VPS13C: variants seen among roughly 807,000 people sequenced by gnomAD.
VPS13C encodes vacuolar protein sorting 13 homolog C.
In VPS13C, 358 loss-of-function variants were observed where a neutral mutation model predicts 456.8. The observed-to-expected ratio is 0.78, with a 90% CI of 0.72 to 0.86. The LOEUF (loss-of-function observed/expected upper bound fraction) is 0.86, where lower values mean the gene tolerates loss of function less well. Among genes scored for constraint, VPS13C ranks in the 40% least tolerant of loss-of-function variants. The probability of loss-of-function intolerance (pLI) is 0.00; values close to 1 mark genes in which losing one functional copy is unlikely to be tolerated. For missense variants in VPS13C, 4,818 were observed against 4,385.4 expected, an observed-to-expected ratio of 1.10 and a Z score of -2.79; for synonymous variants, 1,578 against 1,486.7, an observed-to-expected ratio of 1.06 and a Z score of -1.41.
At chr15:61,967,832 T>C (rs910849842) in intron 28 of VPS13C, among the ~76,000 whole-genome samples, 2 of 152,042 alleles carry the variant, frequency 1.3e-5, no homozygotes, top group Admixed American at 1.3e-4. Flanking sequence ...TTAAACTCCT[T>C]TTTAACTTAA....
At chr15:62,056,759 A>G (rs1308827520) in intron 1 of VPS13C, among the ~76,000 whole-genome samples, 3 of 152,160 alleles carry the variant, frequency 2.0e-5, no homozygotes, top group Admixed American at 1.3e-4. Context: ...TCTGCCTTCT[A>G]GATAGCAGTA....
At chr15:61,924,575 G>C (rs1338536790) in intron 53 of VPS13C, among the ~76,000 whole-genome samples, 1 of 152,120 alleles carries the variant, frequency 6.6e-6, no homozygotes, top group Non-Finnish European at 1.5e-5. Context: ...ACCTAACCTA[G>C]TGCTTTAAAA....
intron 43 of VPS13C, 70 bp downstream of exon 43, chr15:61,947,123 C>T (rs1316328514): frequency 4.0e-6 from 4 of 997,192 alleles, no homozygotes; most frequent in Non-Finnish European, 5.9e-6. Context: ...AGAAATCTAA[C>T]AGGTACAAGC....
intron 3 of VPS13C, among the ~76,000 whole-genome samples, 186 bp from the exon 4 acceptor site, chr15:62,035,238 G>C (rs942521276): frequency 6.6e-6 from 1 of 151,758 alleles, no homozygotes; most frequent in Non-Finnish European, 1.5e-5. Context: ...ACTATTAAGT[G>C]AATAGTCACA....
intron 16 of VPS13C, among the ~76,000 whole-genome samples, chr15:61,995,957 G>C (rs1248459937): frequency 6.6e-6 from 1 of 152,190 alleles, no homozygotes; most frequent in East Asian, 1.9e-4. Flanking sequence ...GAGCACAGCA[G>C]AGGAACATGG....
intron 5 of VPS13C, among the ~76,000 whole-genome samples, chr15:62,032,710 A>C (rs1458465320): frequency 1.3e-5 from 2 of 151,812 alleles, no homozygotes; most frequent in African/African-American, 2.4e-5. Context: ...TCATCATAAA[A>C]ATATATACAC....
chr15:62,014,756 A>C (rs1297346283), intron 9 of VPS13C, among the ~76,000 whole-genome samples: 1 of 152,134 alleles, frequency 6.6e-6, no homozygotes, highest in Middle Eastern at 3.2e-3. Context: ...TCAGTGAATG[A>C]ATGTGGTTTT....
In VPS13C at chr15:61,984,024, TGAA is replaced by T. The variant is rs745688696; in HGVS notation, c.1722-15_1722-13del. 15 of 1,603,536 alleles carry T rather than the reference TGAA, an allele frequency of 9.4e-6. No homozygotes were observed. The African/African-American group carries it at 1.9e-4, about 20-fold the overall frequency. On this transcript the variant is annotated splice_polypyrimidine_tract_variant and intron_variant, in intron 19 of 84. Coordinates refer to ENST00000644861, the MANE Select transcript of VPS13C (RefSeq NM_020821.3). ...ATTTCGCTTCTACCCTATAATCCAA[TGAA>T]GAACAAGGAAAGATGCAGACAAGGT...
chr15:61,862,390 A>T (rs1295288298), intron 82 of VPS13C, among the ~76,000 whole-genome samples: 1 of 152,170 alleles, frequency 6.6e-6, no homozygotes, highest in Non-Finnish European at 1.5e-5. Flanking sequence ...CTCCCACAGA[A>T]TGGCTTAAAT....
intron 16 of VPS13C, among the ~76,000 whole-genome samples, chr15:61,999,144 C>T (rs552637447): frequency 6.6e-6 from 1 of 152,188 alleles, no homozygotes; most frequent in African/African-American, 2.4e-5. Flanking sequence ...TTTGGGAGGC[C>T]AAGGCGGGTG....
chr15:61,912,076 A>G (rs2043318150), intron 62 of VPS13C, 72 bp from the exon 63 acceptor site: 2 of 1,241,136 alleles, frequency 1.6e-6, no homozygotes, highest in African/African-American at 3.1e-5. Flanking sequence ...CCCCTCATTC[A>G]CACACAAACT....
At chr15:61,978,394 T>C (rs2045774916) in intron 23 of VPS13C, among the ~76,000 whole-genome samples, 1 of 152,194 alleles carries the variant, frequency 6.6e-6, no homozygotes, top group Non-Finnish European at 1.5e-5. Context: ...TGAATAGGCT[T>C]AGATTGAAAT....
intron 16 of VPS13C, among the ~76,000 whole-genome samples, chr15:61,996,844 G>T (rs1309004909): frequency 6.8e-6 from 1 of 146,806 alleles, no homozygotes; most frequent in Non-Finnish European, 1.5e-5. Context: ...AAAAAATGAT[G>T]AACAGAGCAC....
intron 18 of VPS13C, 31 bp downstream of exon 18, chr15:61,990,969 C>T: frequency 1.3e-6 from 2 of 1,500,740 alleles, no homozygotes; most frequent in Non-Finnish European, 9.2e-7. Flanking sequence ...TACAATGAGA[C>T]AAAATTCCTT....
At chr15:62,028,515 A>G (rs1371093070) in intron 5 of VPS13C, 95 bp from the exon 6 acceptor site, 1 of 1,238,032 alleles carries the variant, frequency 8.1e-7, no homozygotes, top group Non-Finnish European at 1.2e-6. Context: ...AATTTCATAT[A>G]ATTAGAAATC....
Position 61,981,605 on chromosome 15 carries a change from C to T in VPS13C, c.2030-127G>A, listed in dbSNP as rs997981127. 4.5e-6 allele frequency: 4 copies of T among 894,404 alleles called. No homozygotes were observed. The African/African-American group carries it at 7.1e-5, about 16-fold the overall frequency. 55.4% of individuals were successfully genotyped at this position (894,404 alleles called of 1,614,324 possible). The stretch of plus-strand genomic sequence containing the variant: ...GTCGGGTGCGGTGGCTCACGCCTGT[C>T]ATCCCAGCACTTTGGGAGGCCGAGA... On this transcript the variant is annotated intron_variant, in intron 21 of 84. Transcript: ENST00000644861.
intron 83 of VPS13C, among the ~76,000 whole-genome samples, 200 bp downstream of exon 83, chr15:61,856,086 A>G (rs933930011): frequency 1.1e-4 from 17 of 152,188 alleles, no homozygotes; most frequent in African/African-American, 4.1e-4. Context: ...TTGGGTGGGT[A>G]GACTGATATT....
chr15:62,019,451 CT>C (rs1285415816), intron 9 of VPS13C, among the ~76,000 whole-genome samples: 29 of 152,222 alleles, frequency 1.9e-4, no homozygotes, highest in African/African-American at 6.3e-4. Context: ...CCTCTACACA[CT>C]GCTTTTAATG....
chr15:61,961,470 G>A (rs2045205050), intron 35 of VPS13C, 119 bp downstream of exon 35: 3 of 950,626 alleles, frequency 3.2e-6, no homozygotes, highest in East Asian at 2.8e-5. Flanking sequence ...AAAAAAAACT[G>A]TTCCGTGTAA....
Sources: allele counts gnomAD v4.1 joint callset (sites outside exome capture counted in the v4.1 genomes callset), GRCh38; gene constraint gnomAD v4.1.1; transcripts MANE v1.5; gene names NCBI Gene and HGNC (gene_info 2026-07-23, HGNC 2026-07-21).